C2orf78: variants seen among roughly 807,000 people sequenced by gnomAD.
The protein encoded by C2orf78 is uncharacterized protein C2orf78.
A neutral mutation model predicts 21.4 loss-of-function variants in C2orf78; 12 were observed. The observed-to-expected ratio is 0.56, with a 90% CI of 0.36 to 0.91. The LOEUF (loss-of-function observed/expected upper bound fraction) is 0.91, where lower values mean the gene tolerates loss of function less well. C2orf78 is among the 40% of genes least tolerant of loss of function. The pLI is 0.01. For missense variants in C2orf78, 1,042 were observed against 1,092.4 expected (o/e 0.95, Z 0.65); for synonymous variants, 396 against 413.9 (o/e 0.96, Z 0.52).
intron 1 of C2orf78, among the ~76,000 whole-genome samples, chr2:73,811,804 T>C (rs1489657481): frequency 6.6e-6 from 1 of 152,198 alleles, no homozygotes; most frequent in Non-Finnish European, 1.5e-5. Context: ...GTTCTCATGA[T>C]ACTTTTTAAG....
At chr2:73,812,700 C>T (rs1204157054) in intron 1 of C2orf78, among the ~76,000 whole-genome samples, 1 of 152,012 alleles carries the variant, frequency 6.6e-6, no homozygotes, top group Non-Finnish European at 1.5e-5. Context: ...TGCACTCCAG[C>T]CTGGGTGACA....
rs144073842 is a variant in C2orf78 at position 73,814,187 on chromosome 2, T to G, written c.808T>G (p.Ser270Ala). The change falls in exon 2 of 3, where the codon TCT becomes GCT. Residue 270 changes from serine to alanine, a missense_variant. Around this residue, in one of 2 missense-constraint regions of C2orf78, gnomAD observed 1,039 missense variants for 1,069.7 expected, o/e 0.97. Transcript: ENST00000409561. ...AGTCTCTACTTCTGGGATGTATTAC[T>G]CTGTGTCTTCTCAACCCATCACAGA... 35 of 1,595,646 alleles carry G rather than the reference T, an allele frequency of 2.2e-5. No homozygotes were observed. The African/African-American group carries it at 4.3e-4, about 20-fold the overall frequency.
At chr2:73,786,051 A>AC (rs1672922832) in intron 1 of C2orf78, among the ~76,000 whole-genome samples, 2 of 151,800 alleles carry the variant, frequency 1.3e-5, no homozygotes, top group African/African-American at 4.8e-5. Context: ...CGCTTCAAAA[A>AC]GAAAAAAAAA....
intron 1 of C2orf78, among the ~76,000 whole-genome samples, chr2:73,810,760 T>C (rs1390907669): frequency 7.6e-6 from 1 of 131,696 alleles, no homozygotes; most frequent in Non-Finnish European, 1.6e-5. Context: ...TTTATGTATA[T>C]ATAATATATA....
intron 1 of C2orf78, among the ~76,000 whole-genome samples, chr2:73,812,763 G>A (rs191764014): frequency 2.0e-5 from 3 of 152,260 alleles, no homozygotes; most frequent in Admixed American, 2.0e-4. Context: ...CTATCAGGTA[G>A]TTATTTTGAC....
chr2:73,809,297 G>A (rs1209269552), intron 1 of C2orf78, among the ~76,000 whole-genome samples: 1 of 152,188 alleles, frequency 6.6e-6, no homozygotes, highest in African/African-American at 2.4e-5. Flanking sequence ...TGTTTCATGT[G>A]TAATAGTCTC....
At chr2:73,813,200 G>C (rs1488461593) in intron 1 of C2orf78, among the ~76,000 whole-genome samples, 1 of 152,202 alleles carries the variant, frequency 6.6e-6, no homozygotes, top group Admixed American at 6.5e-5. Flanking sequence ...ATAGGGAAGG[G>C]AGAAGGTTGC....
exon 3 of C2orf78, chr2:73,815,483 T>C: frequency 6.2e-7 from 1 of 1,613,824 alleles, no homozygotes. Flanking sequence ...ATCTAAGAAA[T>C]AAGAGCCTGA....
rs915927694 is a variant in C2orf78, at chr2:73,815,550, G to C, written c.1327G>C (p.Asp443His). The C allele has an allele frequency of 1.3e-5, 21 of 1,613,822 alleles. No homozygotes were observed. The African/African-American group carries it at 2.0e-4, about 15-fold the overall frequency. The stretch of plus-strand genomic sequence containing the variant: ...GATTGAGTCTAGCAGTGATTTGGCA[G>C]ACATCACTACATGGGTGGAGGATAC... Residue 443 changes from aspartate to histidine, a missense_variant, in exon 3 of 3, where the codon GAC (aspartate) becomes CAC (histidine). Physicochemically the swap from Asp to His is moderately conservative, Grantham distance 81. Coordinates refer to ENST00000409561, the Ensembl canonical transcript of C2orf78.
exon 3 of C2orf78, chr2:73,816,172 T>C: frequency 6.2e-7 from 1 of 1,613,916 alleles, no homozygotes; most frequent in Non-Finnish European, 8.5e-7. Flanking sequence ...AAAACTGGAT[T>C]CTCTTCCTCC....
At chr2:73,815,309 G>T (rs940260335) in exon 3 of C2orf78, 1 of 1,613,872 alleles carries the variant, frequency 6.2e-7, no homozygotes, top group Non-Finnish European at 8.5e-7. Context: ...ATGAGAATTT[G>T]GATGAGATTA....
chr2:73,813,740 G>A, exon 2 of C2orf78: 10 of 1,614,052 alleles, frequency 6.2e-6, no homozygotes, highest in Non-Finnish European at 8.5e-6. Context: ...TACTTCAGCT[G>A]CCTCTTATCC....
At chr2:73,810,744 GTATATTT>G (rs1673068934) in intron 1 of C2orf78, among the ~76,000 whole-genome samples, 1 of 122,664 alleles carries the variant, frequency 8.2e-6, no homozygotes, top group South Asian at 2.4e-4. Context: ...AAATATACAT[GTATATTT>G]TATGTATATA....
chr2:73,813,919 A>G, exon 2 of C2orf78: 1 of 1,614,014 alleles, frequency 6.2e-7, no homozygotes, highest in Middle Eastern at 1.6e-4. Context: ...TGTATCCATC[A>G]CTATCTGCCA....
exon 3 of C2orf78, chr2:73,817,019 G>A: frequency 6.3e-7 from 1 of 1,578,440 alleles, no homozygotes; most frequent in Non-Finnish European, 8.6e-7. Flanking sequence ...TTTTACTTTG[G>A]ATACCGCTGG....
chr2:73,813,445 C>T lies in C2orf78; in HGVS notation c.98-32C>T, dbSNP rs776793104. The T allele has an allele frequency of 8.6e-5, 131 of 1,526,468 alleles. 1 individual carries two copies. In the Middle Eastern group the frequency reaches 2.9e-3, roughly 34 times the overall value. 94.6% of individuals were successfully genotyped at this position (1,526,468 alleles called of 1,614,324 possible). On this transcript the variant is annotated intron_variant, in intron 1 of 2. Transcript: ENST00000409561. ...TAAGGTGAGAATTTTTCACTCTCAT[C>T]GGTTTTTTCATCTCTCTCTTGTTTC... is the stretch of plus-strand genomic sequence containing the variant.
At chr2:73,812,417 A>T (rs542187595) in intron 1 of C2orf78, among the ~76,000 whole-genome samples, 1 of 152,096 alleles carries the variant, frequency 6.6e-6, no homozygotes, top group African/African-American at 2.4e-5. Flanking sequence ...ACTTTTATTC[A>T]TGTATGAATT....
chr2:73,808,331 A>T (rs1179281669), intron 1 of C2orf78, among the ~76,000 whole-genome samples: 1 of 151,224 alleles, frequency 6.6e-6, no homozygotes, highest in Non-Finnish European at 1.5e-5. Flanking sequence ...GAACAACTGT[A>T]ATTGCTCAAC....
At chr2:73,815,149 C>T (rs774855562) in exon 3 of C2orf78, 6 of 1,613,976 alleles carry the variant, frequency 3.7e-6, no homozygotes, top group Admixed American at 3.3e-5. Flanking sequence ...CCACAAACTC[C>T]AGAATTCTCC....
Sources: allele counts gnomAD v4.1 joint callset (sites outside exome capture counted in the v4.1 genomes callset), GRCh38; gene constraint gnomAD v4.1.1; regional missense constraint gnomAD v4.1.1; transcripts MANE v1.5; gene names NCBI Gene and HGNC (gene_info 2026-07-23, HGNC 2026-07-21).